AGBL1: variants seen among roughly 807,000 people sequenced by gnomAD.
The protein encoded by AGBL1 is cytosolic carboxypeptidase 4.
Under a neutral mutation model 118.9 loss-of-function variants are expected in AGBL1, and 130 were observed. The ratio of observed to expected loss-of-function variants is 1.09; its 90% CI spans 0.95 to 1.26. The LOEUF is 1.26. AGBL1 is among the 50% of genes most tolerant of loss of function. The pLI, the probability that AGBL1 is intolerant of heterozygous loss-of-function variation, is 0.00. For missense variants in AGBL1, 1,584 were observed against 1,298.1 expected (o/e 1.22, Z -3.38); for synonymous variants, 555 against 478.9 (o/e 1.16, Z -2.08).
chr15:86,630,833 G>T (rs1309755880), intron 21 of AGBL1: 1 of 152,236 alleles, frequency 6.6e-6, no homozygotes, highest in Non-Finnish European at 1.5e-5. Flanking sequence ...AAATGTAGAG[G>T]TAAGTAAAAG....
intron 22 of AGBL1, among the ~76,000 whole-genome samples, chr15:86,824,385 T>G (rs1447061381): frequency 1.3e-5 from 2 of 151,970 alleles, no homozygotes; most frequent in African/African-American, 4.8e-5. Context: ...TAACAAAACA[T>G]GTACAAGAAT....
rs1036427717 is a variant in AGBL1 at position 86,085,217 on chromosome 15, G to T, written c.51+5194G>T. On this transcript the variant is annotated intron_variant, in intron 1 of 22. Transcript: ENST00000614907. ...CTCTCCTGATTAGAGATTCAGGGAA[G>T]GCCTTGGAAAATGGGTCTAATTTCA... 1.3e-4 allele frequency among the ~76,000 whole-genome samples: 20 copies of T among 152,208 alleles called. 1 individual carries two copies. The highest frequency in any genetic ancestry group is 1.2e-3 in the Admixed American group (19 of 15,282).
At chr15:86,773,697 G>C (rs930113951) in intron 22 of AGBL1, among the ~76,000 whole-genome samples, 28 of 151,980 alleles carry the variant, frequency 1.8e-4, no homozygotes, top group African/African-American at 6.8e-4. Flanking sequence ...TGCACTCAGT[G>C]GAATAAATGT....
intron 22 of AGBL1, among the ~76,000 whole-genome samples, chr15:86,800,511 T>C (rs908141227): frequency 6.6e-6 from 1 of 152,134 alleles, no homozygotes; most frequent in Non-Finnish European, 1.5e-5. Flanking sequence ...TAAGTCTATT[T>C]GGTGTTCTAC....
chr15:86,142,202 TC>T, intron 2 of AGBL1, 135 bp downstream of exon 2: 1 of 810,910 alleles, frequency 1.2e-6, no homozygotes, highest in Non-Finnish European at 1.9e-6. Flanking sequence ...CACTAGCCCA[TC>T]TTTTTTCTCT....
chr15:86,484,427 C>T (rs1333880684), intron 18 of AGBL1, among the ~76,000 whole-genome samples: 1 of 152,032 alleles, frequency 6.6e-6, no homozygotes, highest in Non-Finnish European at 1.5e-5. Flanking sequence ...ATCAGATGAA[C>T]ATAAAGAAAA....
chr15:86,692,754 TCCCCCTCAC>T (rs2086194325), intron 22 of AGBL1, among the ~76,000 whole-genome samples: 1 of 152,046 alleles, frequency 6.6e-6, no homozygotes, highest in Non-Finnish European at 1.5e-5. Context: ...CTATCCCTCA[TCCCCCTCAC>T]ACCATTTCTC....
chr15:86,976,024 A>C (rs1243667783), intron 23 of AGBL1, among the ~76,000 whole-genome samples: 1 of 152,156 alleles, frequency 6.6e-6, no homozygotes, highest in African/African-American at 2.4e-5. Flanking sequence ...ATAAGCAAAA[A>C]AATCATATAC....
chr15:86,915,875 G>A lies in AGBL1; in HGVS notation c.*8581G>A, dbSNP rs1367176920. The A allele has an allele frequency of 6.6e-6, 1 of 152,186 alleles. No homozygotes were observed. The highest frequency in any genetic ancestry group is 1.5e-5 in the Non-Finnish European group (1 of 68,056). The allele number at this position is 152,186 out of a possible 1,614,324, so 9.4% of individuals were successfully genotyped here. The stretch of plus-strand genomic sequence containing the variant: ...GGAGAGCAGAGCTGCAGGAAAGCAG[G>A]ACACACGTGAGTCCAGCCAACTCAG... On this transcript the variant is annotated 3_prime_UTR_variant, in exon 23 of 23. Coordinates refer to ENST00000614907, the MANE Select transcript of AGBL1 (RefSeq NM_001386094.1).
intron 22 of AGBL1, among the ~76,000 whole-genome samples, chr15:86,850,592 T>A (rs1249574059): frequency 6.6e-6 from 1 of 152,190 alleles, no homozygotes; most frequent in Non-Finnish European, 1.5e-5. Flanking sequence ...CCTCATTTCC[T>A]CTGGGCTCTG....
At chr15:86,607,312 C>T (rs984492024) in intron 21 of AGBL1, among the ~76,000 whole-genome samples, 3 of 152,184 alleles carry the variant, frequency 2.0e-5, no homozygotes, top group African/African-American at 7.2e-5. Flanking sequence ...GCCCTTTTTA[C>T]TTTCCAAATC....
chr15:86,236,014 A>T (rs1202642770), intron 6 of AGBL1, among the ~76,000 whole-genome samples: 1 of 152,204 alleles, frequency 6.6e-6, no homozygotes, highest in Non-Finnish European at 1.5e-5. Flanking sequence ...GACTTGCCCG[A>T]GATTGTGTAA....
intron 24 of AGBL1, among the ~76,000 whole-genome samples, chr15:87,027,225 A>G (rs1461410710): frequency 2.0e-5 from 3 of 152,110 alleles, no homozygotes; most frequent in Non-Finnish European, 4.4e-5. Flanking sequence ...CAAAACCACA[A>G]TGAGATATCA....
chr15:86,517,969 C>T (rs1395076711), intron 18 of AGBL1, among the ~76,000 whole-genome samples: 1 of 152,180 alleles, frequency 6.6e-6, no homozygotes, highest in Non-Finnish European at 1.5e-5. Context: ...CTAGGATGTA[C>T]AGTGAATGGC....
chr15:86,813,797 C>T (rs2078824083), intron 22 of AGBL1, among the ~76,000 whole-genome samples: 1 of 152,188 alleles, frequency 6.6e-6, no homozygotes, highest in African/African-American at 2.4e-5. Context: ...AGAATGAGCT[C>T]CAGTTTTGGA....
chr15:86,131,849 C>A (rs970398741), intron 1 of AGBL1, among the ~76,000 whole-genome samples: 3 of 151,030 alleles, frequency 2.0e-5, no homozygotes, highest in African/African-American at 7.3e-5. Context: ...ACTCGGGAGG[C>A]TGAGGTAGGA....
chr15:86,085,606 T>C (rs1171760376), intron 1 of AGBL1, among the ~76,000 whole-genome samples: 2 of 152,178 alleles, frequency 1.3e-5, no homozygotes, highest in Non-Finnish European at 2.9e-5. Context: ...ACTGGACTTC[T>C]TCCTATACCT....
chr15:86,117,579 C>T (rs1347929284), intron 1 of AGBL1, among the ~76,000 whole-genome samples: 1 of 152,116 alleles, frequency 6.6e-6, no homozygotes, highest in East Asian at 1.9e-4. Context: ...AACCAAGGCT[C>T]AGAATGTGTT....
At chr15:86,669,851 T>A (rs1164663424) in intron 21 of AGBL1, among the ~76,000 whole-genome samples, 1 of 152,000 alleles carries the variant, frequency 6.6e-6, no homozygotes, top group Non-Finnish European at 1.5e-5. Context: ...TGGAGGGGAG[T>A]GGGGTCTGAG....
Sources: gnomAD v4.1 joint callset for allele counts (sites outside exome capture counted in the v4.1 genomes callset) on GRCh38, gnomAD v4.1.1 for gene constraint, MANE v1.5 for transcripts, NCBI Gene and HGNC (gene_info 2026-07-23, HGNC 2026-07-21) for gene names.